The following PTGR1 variants were observed in gnomAD, a reference collection of about 807,000 sequenced individuals.
PTGR1 encodes the protein prostaglandin reductase 1.
Under a neutral mutation model 37.7 loss-of-function variants are expected in PTGR1, and 23 were observed. The observed-to-expected ratio is 0.61, with a 90% CI of 0.44 to 0.86. PTGR1 has a LOEUF of 0.86. PTGR1 is among the 40% of genes least tolerant of loss of function. The pLI is 0.00. For missense variants in PTGR1, 351 were observed against 394.3 expected (o/e 0.89, Z 0.93); for synonymous variants, 134 against 140.0 (o/e 0.96, Z 0.30).
chr9:111,553,767 T>C (rs1203032449), intron 9 of PTGR1, among the ~76,000 whole-genome samples: 2 of 152,256 alleles, frequency 1.3e-5, no homozygotes, highest in Non-Finnish European at 2.9e-5. Flanking sequence ...AATTGTGAAA[T>C]GTGGCACTGT....
chr9:111,582,328 C>T (rs187166771), intron 6 of PTGR1, among the ~76,000 whole-genome samples: 31 of 152,290 alleles, frequency 2.0e-4, no homozygotes, highest in Non-Finnish European at 3.1e-4. Flanking sequence ...ATCAAACTTA[C>T]GGGATAAAAG....
At chr9:111,572,906 A>G (rs1361164575) in intron 8 of PTGR1, among the ~76,000 whole-genome samples, 1 of 152,104 alleles carries the variant, frequency 6.6e-6, no homozygotes, top group Non-Finnish European at 1.5e-5. Context: ...GTGCGTGTTG[A>G]TGAGAATGTT....
chr9:111,590,528 TC>T, intron 4 of PTGR1, among the ~76,000 whole-genome samples: 1 of 152,118 alleles, frequency 6.6e-6, no homozygotes. Flanking sequence ...CTGGCTAATT[TC>T]TTTATTTTTA....
At chr9:111,568,508 A>C (rs1245081570) in intron 9 of PTGR1, among the ~76,000 whole-genome samples, 3 of 152,164 alleles carry the variant, frequency 2.0e-5, no homozygotes, top group Non-Finnish European at 4.4e-5. Context: ...ATAGACCCTT[A>C]TCAGTAATTC....
intron 9 of PTGR1, among the ~76,000 whole-genome samples, chr9:111,566,569 C>G (rs769187243): frequency 6.6e-6 from 1 of 152,198 alleles, no homozygotes; most frequent in Admixed American, 6.5e-5. Context: ...CTAAAACTTA[C>G]ATGGTGTAAG....
intron 9 of PTGR1, among the ~76,000 whole-genome samples, chr9:111,568,111 A>G (rs983602472): frequency 2.6e-5 from 4 of 152,216 alleles, no homozygotes; most frequent in African/African-American, 9.6e-5. Context: ...TTCAGGGAAC[A>G]AGGGAAGACA....
At chr9:111,560,895 A>G (rs545783833), downstream of PTGR1, among the ~76,000 whole-genome samples, 5 of 144,488 alleles carry the variant, frequency 3.5e-5, no homozygotes, top group South Asian at 1.1e-3. Context: ...GTGAGTGGAG[A>G]TCGCACCACT....
intron 8 of PTGR1, among the ~76,000 whole-genome samples, chr9:111,573,366 G>A (rs974391535): frequency 6.6e-6 from 1 of 152,146 alleles, no homozygotes; most frequent in African/African-American, 2.4e-5. Context: ...CACAACCTGA[G>A]AGGGAATCTA....
At chr9:111,589,288 A>G (rs1829533184) in intron 4 of PTGR1, 1 of 583,626 alleles carries the variant, frequency 1.7e-6, no homozygotes, top group Admixed American at 6.3e-5. Flanking sequence ...GAGAAATTGT[A>G]AAGATGTCAG....
chr9:111,584,920 T>C (rs1344240132), intron 5 of PTGR1, among the ~76,000 whole-genome samples: 1 of 152,178 alleles, frequency 6.6e-6, no homozygotes, highest in African/African-American at 2.4e-5. Flanking sequence ...GAGGTAGAAA[T>C]GAAGTTCAGT....
At chr9:111,565,416 A>C (rs1263721152) in intron 9 of PTGR1, among the ~76,000 whole-genome samples, 1 of 152,210 alleles carries the variant, frequency 6.6e-6, no homozygotes, top group African/African-American at 2.4e-5. Flanking sequence ...ACTAATACAA[A>C]TACTAATGTA....
chr9:111,590,300 G>A (rs1043804464), intron 4 of PTGR1, among the ~76,000 whole-genome samples: 2 of 152,106 alleles, frequency 1.3e-5, no homozygotes, highest in South Asian at 2.1e-4. Context: ...TCAGGTTGCC[G>A]AGACTGATGA....
intron 7 of PTGR1, 77 bp downstream of exon 7, chr9:111,578,719 T>G: frequency 7.5e-7 from 1 of 1,338,814 alleles, no homozygotes; most frequent in Non-Finnish European, 1.0e-6. Context: ...TAACCATCCA[T>G]GGCCCAGGGG....
chr9:111,578,426 G>A (rs1829154995), intron 7 of PTGR1, among the ~76,000 whole-genome samples: 1 of 152,160 alleles, frequency 6.6e-6, no homozygotes, highest in Non-Finnish European at 1.5e-5. Context: ...CCATCTGGGG[G>A]TGATGGGAGA....
At chr9:111,570,704 G>A (rs968792496) in intron 8 of PTGR1, among the ~76,000 whole-genome samples, 11 of 151,900 alleles carry the variant, frequency 7.2e-5, no homozygotes, top group Non-Finnish European at 1.5e-4. Flanking sequence ...GCTTGAACCC[G>A]ACAGGTGGAG....
At chr9:111,582,154 C>T (rs991401141) in intron 6 of PTGR1, among the ~76,000 whole-genome samples, 1 of 151,846 alleles carries the variant, frequency 6.6e-6, no homozygotes, top group African/African-American at 2.4e-5. Flanking sequence ...TAAATATGAC[C>T]AAACATTCCA....
At chr9:111,589,863 G>T (rs1829554670) in intron 4 of PTGR1, among the ~76,000 whole-genome samples, 1 of 151,876 alleles carries the variant, frequency 6.6e-6, no homozygotes, top group Admixed American at 6.6e-5. Flanking sequence ...TTGAACTCCC[G>T]ACCTCAAGTG....
At chr9:111,561,110 T>TATATATAGAG (rs1457364862), downstream of PTGR1, among the ~76,000 whole-genome samples, 12 of 19,186 alleles carry the variant, frequency 6.3e-4, no homozygotes, top group Non-Finnish European at 8.3e-4. Context: ...TATATATATA[T>TATATATAGAG]AGAGAGAGAG....
chr9:111,575,028 C>T (rs373807344), intron 7 of PTGR1, among the ~76,000 whole-genome samples, 186 bp from the exon 8 acceptor site: 34 of 152,298 alleles, frequency 2.2e-4, no homozygotes, highest in African/African-American at 7.0e-4. Context: ...CGGCCGGGCA[C>T]GGTGGCTTAC....
Sources: gnomAD v4.1 joint callset for allele counts (sites outside exome capture counted in the v4.1 genomes callset) on GRCh38, gnomAD v4.1.1 for gene constraint, MANE v1.5 for transcripts, NCBI Gene and HGNC (gene_info 2026-07-23, HGNC 2026-07-21) for gene names.